MAPK8: variants seen among roughly 807,000 people sequenced by gnomAD.
The protein encoded by MAPK8 is mitogen-activated protein kinase 8, also known as JUN N-terminal kinase.
A neutral mutation model predicts 52.9 loss-of-function variants in MAPK8; 13 were observed. The ratio of observed to expected loss-of-function variants is 0.25; its 90% CI spans 0.16 to 0.39. The LOEUF is 0.39. Ranked by LOEUF, MAPK8 falls within the 10% of genes least tolerant of loss-of-function variation. MAPK8 has a pLI of 1.00. For synonymous variants in MAPK8, 191 were observed against 169.8 expected (o/e 1.12, Z -0.97); for missense variants, 300 against 519.2 (o/e 0.58, Z 4.10).
In MAPK8 at chr10:48,436,101, C is replaced by A. The variant is rs2044831288; in HGVS notation, c.*1072C>A. The A allele has an allele frequency of 6.6e-6, 1 of 152,192 alleles. No individual in the cohort carries two copies. The highest frequency in any genetic ancestry group is 2.1e-4 in the South Asian group (1 of 4,830). 9.4% of individuals were successfully genotyped at this position (152,192 alleles called of 1,614,324 possible). A position where few individuals can be genotyped will look rare whatever the true frequency, so the allele number is the denominator to read the frequency against. On this transcript the variant is annotated 3_prime_UTR_variant, in exon 12 of 12. Coordinates refer to ENST00000374189, the MANE Select transcript of MAPK8 (RefSeq NM_001323329.2). ...ATTTATACGAGCTATTGGGAGGTTC[C>A]AAACCCTACCTAGATTTGTGTAGGT... is the stretch of plus-strand genomic sequence containing the variant.
intron 1 of MAPK8, among the ~76,000 whole-genome samples, chr10:48,343,690 G>A (rs1845512909): frequency 6.6e-6 from 1 of 152,234 alleles, no homozygotes. Context: ...GTGTTTTGTA[G>A]CTAGACGTTG....
chr10:48,415,568 C>T lies in MAPK8; in HGVS notation c.451-4587C>T, dbSNP rs1480617348. On this transcript the variant is annotated intron_variant, in intron 5 of 11. Transcript: ENST00000374189. ...TGCGTATTTCCATAACACAAACATT[C>T]GTAGCTAACTTCAAAAGGCTGAAGG... 2.6e-5 allele frequency among the ~76,000 whole-genome samples: 4 copies of T among 152,182 alleles called. 1 individual carries two copies. Among genetic ancestry groups the T allele is most frequent in the East Asian group, 3.8e-4 (2 of 5,198 alleles).
At chr10:48,410,279 C>G in intron 5 of MAPK8, 111 bp downstream of exon 5, 1 of 776,680 alleles carries the variant, frequency 1.3e-6, no homozygotes, top group Non-Finnish European at 1.9e-6. Flanking sequence ...CAGTGCTGTA[C>G]AACTACCACC....
intron 10 of MAPK8, 74 bp downstream of exon 10, chr10:48,427,217 T>A (rs763858835): frequency 8.9e-6 from 10 of 1,127,158 alleles, no homozygotes; most frequent in Non-Finnish European, 1.3e-5. Flanking sequence ...TATTATCATG[T>A]TAGAGAAATT....
At chr10:48,321,909 A>C (rs1843033470) in intron 1 of MAPK8, among the ~76,000 whole-genome samples, 1 of 152,108 alleles carries the variant, frequency 6.6e-6, no homozygotes, top group Non-Finnish European at 1.5e-5. Context: ...ATTTTTTGAA[A>C]GTTGTGTTTC....
rs972332361 is a variant in MAPK8 at position 48,435,000 on chromosome 10, G to A, written c.1255G>A (p.Ala419Thr). 1.3e-6 allele frequency: 2 copies of A among 1,581,648 alleles called. No individual in the cohort carries two copies. The highest frequency in any genetic ancestry group is 4.8e-5 in the East Asian group (2 of 41,968). Residue 419 changes from alanine (A) to threonine (T), a missense_variant, in exon 12 of 12, where the codon GCA becomes ACA. Ala to Thr is a moderately conservative substitution (Grantham distance 58). This residue lies in a region of MAPK8 where 119 missense variants were observed against 154.4 expected (regional missense o/e 0.77). Coordinates refer to ENST00000374189, the MANE Select transcript of MAPK8 (RefSeq NM_001323329.2). ...ASDTDSSLEA[A>T]AGPLGCCR is the part of the protein sequence containing the mutation. The stretch of plus-strand genomic sequence containing the variant: ...TGATACAGACAGCAGTCTAGAAGCA[G>A]CAGCTGGGCCTCTGGGCTGCTGTAG...
At chr10:48,317,721 G>A (rs1842637055) in intron 1 of MAPK8, among the ~76,000 whole-genome samples, 1 of 152,092 alleles carries the variant, frequency 6.6e-6, no homozygotes, top group East Asian at 1.9e-4. Flanking sequence ...AAAGTTGTGT[G>A]CCCTTGCGAG....
intron 1 of MAPK8, among the ~76,000 whole-genome samples, chr10:48,392,102 A>G (rs1213662435): frequency 6.6e-6 from 1 of 152,190 alleles, no homozygotes; most frequent in Non-Finnish European, 1.5e-5. Flanking sequence ...CAAAAAGGGT[A>G]TAATCTAATA....
chr10:48,412,778 C>T (rs2042829222), intron 5 of MAPK8, among the ~76,000 whole-genome samples: 1 of 152,178 alleles, frequency 6.6e-6, no homozygotes, highest in Non-Finnish European at 1.5e-5. Context: ...TTTTTCCCCA[C>T]CTTTTTATTG....
At chr10:48,307,759 A>C (rs554925981) in intron 1 of MAPK8, among the ~76,000 whole-genome samples, 1 of 152,268 alleles carries the variant, frequency 6.6e-6, no homozygotes, top group South Asian at 2.1e-4. Context: ...TTGTGTTTTG[A>C]GATAAGCATC....
intron 1 of MAPK8, among the ~76,000 whole-genome samples, chr10:48,368,482 G>T (rs975940432): frequency 2.0e-5 from 3 of 152,208 alleles, no homozygotes; most frequent in Non-Finnish European, 4.4e-5. Context: ...GTTAATTGTG[G>T]CTGGATCCTG....
At chr10:48,395,903 A>G (rs2041863483) in intron 1 of MAPK8, among the ~76,000 whole-genome samples, 5 of 152,114 alleles carry the variant, frequency 3.3e-5, no homozygotes. Context: ...TTTGCAACAA[A>G]TGGTATTAGT....
At position 48,435,122 on chromosome 10, in the gene MAPK8, TG is replaced by T; in HGVS notation, c.*94del. The T allele has an allele frequency of 1.3e-5, 13 of 996,542 alleles. No homozygotes were observed. The highest frequency in any genetic ancestry group is 1.7e-5 in the Non-Finnish European group (12 of 720,326). 61.7% of individuals were successfully genotyped at this position (996,542 alleles called of 1,614,324 possible). On this transcript the variant is annotated 3_prime_UTR_variant, in exon 12 of 12. Coordinates refer to ENST00000374189, the MANE Select transcript of MAPK8 (RefSeq NM_001323329.2). ...ACAATTCAGTGGTCTTATTTTTGGGTGATTTTTCAAAAAATGTAGAATTCAT... is the reference window on the plus strand; with the variant it reads ...ACAATTCAGTGGTCTTATTTTTGGGTATTTTTCAAAAAATGTAGAATTCAT...
intron 7 of MAPK8, chr10:48,424,451 C>A (rs187157400): frequency 2.5e-4 from 263 of 1,070,596 alleles, no homozygotes; most frequent in Middle Eastern, 4.2e-4. Context: ...GATTTTATTT[C>A]TTTCTTTTTT....
intron 1 of MAPK8, among the ~76,000 whole-genome samples, chr10:48,367,764 A>G (rs921767672): frequency 3.9e-5 from 6 of 152,238 alleles, no homozygotes; most frequent in African/African-American, 1.4e-4. Context: ...AAGTATAAAT[A>G]AAATTCAACG....
chr10:48,388,951 A>C (rs1381814862), intron 1 of MAPK8, among the ~76,000 whole-genome samples: 1 of 152,158 alleles, frequency 6.6e-6, no homozygotes, highest in Non-Finnish European at 1.5e-5. Flanking sequence ...GGAGAGACAT[A>C]AATGGCTAGT....
intron 1 of MAPK8, among the ~76,000 whole-genome samples, chr10:48,357,185 A>T (rs1414491299): frequency 6.6e-6 from 1 of 152,190 alleles, no homozygotes; most frequent in African/African-American, 2.4e-5. Context: ...AGCAGAGAAT[A>T]CACTGACATA....
intron 1 of MAPK8, among the ~76,000 whole-genome samples, chr10:48,353,857 C>T (rs1487202102): frequency 6.6e-6 from 1 of 152,000 alleles, no homozygotes; most frequent in African/African-American, 2.4e-5. Flanking sequence ...TAGTTGTTGC[C>T]AGGGATTAGG....
intron 1 of MAPK8, among the ~76,000 whole-genome samples, chr10:48,370,454 A>C (rs149415028): frequency 1.3e-5 from 2 of 152,270 alleles, no homozygotes; most frequent in East Asian, 3.9e-4. Flanking sequence ...ATTGAGAGTA[A>C]GATATTGACA....
Sources: gnomAD v4.1 joint callset for allele counts (sites outside exome capture counted in the v4.1 genomes callset) on GRCh38, gnomAD v4.1.1 for gene constraint, gnomAD v4.1.1 regional missense constraint, MANE v1.5 for transcripts, NCBI Gene and HGNC (gene_info 2026-07-23, HGNC 2026-07-21) for gene names.